MRS2: variants seen among roughly 807,000 people sequenced by gnomAD.
The protein encoded by MRS2 is magnesium transporter MRS2 homolog, mitochondrial.
A neutral mutation model predicts 52.6 loss-of-function variants in MRS2; 40 were observed. That is an observed-to-expected ratio of 0.76 (90% CI 0.59 to 0.99). MRS2 has a LOEUF of 0.99. MRS2 is among the 50% of genes least tolerant of loss of function. The pLI, the probability that MRS2 is intolerant of heterozygous loss-of-function variation, is 0.00. For synonymous variants in MRS2, 193 were observed against 195.9 expected, an observed-to-expected ratio of 0.98 and a Z score of 0.13; for missense variants, 472 against 532.7, an observed-to-expected ratio of 0.89 and a Z score of 1.12.
At chr6:24,423,486 A>G in intron 10 of MRS2, 98 bp from the exon 11 acceptor site, 2 of 620,364 alleles carry the variant, frequency 3.2e-6, no homozygotes, top group South Asian at 4.9e-5. Context: ...GATACTGCTT[A>G]TAGTCCTTTC....
chr6:24,403,959 T>C (rs1414768233), intron 1 of MRS2, among the ~76,000 whole-genome samples: 2 of 152,282 alleles, frequency 1.3e-5, no homozygotes, highest in East Asian at 3.9e-4. Context: ...AAAAATCTTA[T>C]TTGCTGTTTA....
chr6:24,413,795 T>G (rs990065848), intron 5 of MRS2, among the ~76,000 whole-genome samples: 4 of 152,264 alleles, frequency 2.6e-5, no homozygotes, highest in Non-Finnish European at 4.4e-5. Context: ...TGCTGTAATT[T>G]ACGTCATCAG....
chr6:24,411,503 T>C (rs867963186), intron 4 of MRS2, among the ~76,000 whole-genome samples: 30 of 152,188 alleles, frequency 2.0e-4, no homozygotes, highest in African/African-American at 5.6e-4. Flanking sequence ...ACCTGACTTT[T>C]AGGAAGACCT....
intron 9 of MRS2, chr6:24,418,892 C>CT (rs1485738771): frequency 5.4e-6 from 1 of 183,838 alleles, no homozygotes; most frequent in Non-Finnish European, 1.1e-5. Context: ...GAGTGAGACT[C>CT]TGTCTCCAAA....
chr6:24,404,583 T>C (rs1489232319), intron 1 of MRS2, among the ~76,000 whole-genome samples: 4 of 152,192 alleles, frequency 2.6e-5, no homozygotes, highest in Non-Finnish European at 5.9e-5. Flanking sequence ...TTCGACTCAG[T>C]CTAATCACGT....
At chr6:24,406,950 T>TC (rs1158924577) in intron 2 of MRS2, among the ~76,000 whole-genome samples, 3 of 152,178 alleles carry the variant, frequency 2.0e-5, no homozygotes, top group Non-Finnish European at 4.4e-5. Context: ...AATATTTTTT[T>TC]CTTTATAATT....
Position 24,425,811 on chromosome 6 carries a change from CT to C in MRS2, c.*2118del, listed in dbSNP as rs2127301741. 1 of 152,332 alleles carries C rather than the reference CT, an allele frequency of 6.6e-6. No individual in the cohort carries two copies. The highest frequency in any genetic ancestry group is 2.1e-4 in the South Asian group (1 of 4,828). The allele number at this position is 152,332 out of a possible 1,614,324, so 9.4% of individuals were successfully genotyped here. A position where few individuals can be genotyped will look rare whatever the true frequency, so the allele number is the denominator to read the frequency against. ...ACACCTTATTCTTCATGAACACAGA[CT>C]GTTAAGCAGCACTAACCAATTTTAT... On this transcript the variant is annotated 3_prime_UTR_variant, in exon 11 of 11. Coordinates refer to ENST00000378386, the MANE Select transcript of MRS2 (RefSeq NM_020662.4).
intron 4 of MRS2, among the ~76,000 whole-genome samples, chr6:24,411,025 C>T (rs1437015790): frequency 6.6e-6 from 1 of 151,746 alleles, no homozygotes; most frequent in African/African-American, 2.4e-5. Flanking sequence ...CCCGTCTCTA[C>T]TAAAAAATAC....
At chr6:24,404,145 GC>G (rs1351767161) in intron 1 of MRS2, among the ~76,000 whole-genome samples, 4 of 152,190 alleles carry the variant, frequency 2.6e-5, no homozygotes, top group African/African-American at 9.7e-5. Context: ...CTCCTCGTCA[GC>G]ACCTCATTCT....
chr6:24,423,827 G>A lies in MRS2; in HGVS notation c.*133G>A. 2.2e-6 allele frequency: 1 copy of A among 445,810 alleles called. No homozygotes were observed. The highest frequency in any genetic ancestry group is 5.0e-5 in the South Asian group (1 of 19,844). 27.6% of individuals were successfully genotyped at this position (445,810 alleles called of 1,614,324 possible). A position where few individuals can be genotyped will look rare whatever the true frequency, so the allele number is the denominator to read the frequency against. On this transcript the variant is annotated 3_prime_UTR_variant, in exon 11 of 11. Transcript: ENST00000378386. ...GTTTGAAGACAAAAATATTTTGGCA[G>A]TCACAATACCAGAACTGGATTGCAT...
chr6:24,415,257 A>G, intron 6 of MRS2, 94 bp downstream of exon 6: 1 of 1,335,564 alleles, frequency 7.5e-7, no homozygotes, highest in African/African-American at 1.5e-5. Context: ...TTAAAGTATG[A>G]AAGTAGCCTA....
intron 9 of MRS2, chr6:24,418,823 C>T (rs933163190): frequency 3.0e-4 from 101 of 337,616 alleles, no homozygotes; most frequent in Non-Finnish European, 3.5e-4. Flanking sequence ...CACTTGAACC[C>T]GGGAGGCGGA....
rs1228624274 is a variant in MRS2 at position 24,412,217 on chromosome 6, A to G, written c.415-5A>G. The G allele has an allele frequency of 2.9e-6, 4 of 1,389,462 alleles. No individual in the cohort carries two copies. The East Asian group carries it at 8.9e-5, about 31-fold the overall frequency. The allele number at this position is 1,389,462 out of a possible 1,614,324, so 86.1% of individuals were successfully genotyped here. A position where few individuals can be genotyped will look rare whatever the true frequency, so the allele number is the denominator to read the frequency against. ...TATATGTTTTGGTTTTTTTTTTTTTAACAGTATTTGAAAGCTGTGATAACT... is the reference window on the plus strand; with the variant it reads ...TATATGTTTTGGTTTTTTTTTTTTTGACAGTATTTGAAAGCTGTGATAACT... On this transcript the variant is annotated splice_region_variant and splice_polypyrimidine_tract_variant and intron_variant, in intron 4 of 10. Coordinates refer to ENST00000378386, the MANE Select transcript of MRS2 (RefSeq NM_020662.4).
At chr6:24,406,687 A>G (rs763755760) in intron 2 of MRS2, among the ~76,000 whole-genome samples, 1 of 152,206 alleles carries the variant, frequency 6.6e-6, no homozygotes, top group East Asian at 1.9e-4. Flanking sequence ...AGGCAGGAGA[A>G]TCGCTTGAAC....
At position 24,416,509 on chromosome 6, in the gene MRS2, G is replaced by A. The variant is rs1046631107; in HGVS notation, c.832G>A (p.Val278Ile). The A allele has an allele frequency of 6.3e-6, 9 of 1,435,914 alleles. No individual in the cohort carries two copies. In the African/African-American group the frequency reaches 9.9e-5, roughly 16 times the overall value. 88.9% of individuals were successfully genotyped at this position (1,435,914 alleles called of 1,614,324 possible). A position where few individuals can be genotyped will look rare whatever the true frequency, so the allele number is the denominator to read the frequency against. Residue 278 changes from valine to isoleucine, a missense_variant, in exon 7 of 11, where the codon GTC becomes ATC. Transcript: ENST00000378386. ...LCVSKWSDPQ[V>I]FEKSSAGIDH... Reference sequence around the variant, plus strand: ...TGTATCAAAATGGAGTGACCCACAAGTCTTGTAAGTATATAATTATACTTT... The same window carrying A: ...TGTATCAAAATGGAGTGACCCACAAATCTTGTAAGTATATAATTATACTTT...
At position 24,417,458 on chromosome 6, in the gene MRS2, C is replaced by T. The variant is rs532498335; in HGVS notation, c.837-626C>T. ...TAGTGGTATTGGCTTTGCACTAATT[C>T]ATCTGCATTCACATATCTGGATTTT... is the stretch of plus-strand genomic sequence containing the variant. On this transcript the variant is annotated intron_variant, in intron 7 of 10. Coordinates refer to ENST00000378386, the MANE Select transcript of MRS2 (RefSeq NM_020662.4). 2.0e-5 allele frequency among the ~76,000 whole-genome samples: 3 copies of T among 152,286 alleles called. No homozygotes were observed. The East Asian group carries it at 5.8e-4, about 29-fold the overall frequency.
At chr6:24,419,902 A>G (rs895933551) in intron 9 of MRS2, among the ~76,000 whole-genome samples, 34 of 152,326 alleles carry the variant, frequency 2.2e-4, no homozygotes, top group African/African-American at 7.2e-4. Flanking sequence ...GTTTTCTAGA[A>G]CTGAACCTGG....
chr6:24,416,410 G>C lies in MRS2; in HGVS notation c.733G>C (p.Glu245Gln). 6.9e-7 allele frequency: 1 copy of C among 1,457,288 alleles called. No individual in the cohort carries two copies. Among genetic ancestry groups the C allele is most frequent in the Non-Finnish European group, 9.6e-7 (1 of 1,040,154 alleles). The allele number at this position is 1,457,288 out of a possible 1,614,324, so 90.3% of individuals were successfully genotyped here. A position where few individuals can be genotyped will look rare whatever the true frequency, so the allele number is the denominator to read the frequency against. The change falls in exon 7 of 11, where the codon GAA (glutamate) becomes CAA (glutamine). Residue 245 changes from glutamate to glutamine, a missense_variant. Coordinates refer to ENST00000378386, the MANE Select transcript of MRS2 (RefSeq NM_020662.4). ...LQNGKSLSEL[E>Q]TDIKIFKESI... ...TATTTCTTATAGTCTATCAGAGTTA[G>C]AAACAGATATTAAAATTTTCAAAGA...
intron 2 of MRS2, 43 bp downstream of exon 2, chr6:24,405,284 C>T (rs765156470): frequency 1.3e-5 from 18 of 1,423,100 alleles, no homozygotes; most frequent in Non-Finnish European, 1.8e-5. Flanking sequence ...GAAAGTGCTT[C>T]CCATACATAA....
Sources: gnomAD v4.1 joint callset for allele counts (sites outside exome capture counted in the v4.1 genomes callset) on GRCh38, gnomAD v4.1.1 for gene constraint, MANE v1.5 for transcripts, NCBI Gene and HGNC (gene_info 2026-07-23, HGNC 2026-07-21) for gene names.